Variants in RELN observed in about 807,000 individuals in gnomAD.
RELN encodes the protein reelin.
RELN carries 108 observed loss-of-function variants against 427.6 expected under a neutral mutation model. The ratio of observed to expected loss-of-function variants is 0.25; its 90% CI spans 0.22 to 0.30. The LOEUF (loss-of-function observed/expected upper bound fraction) is 0.30, where lower values mean the gene tolerates loss of function less well. Among genes scored for constraint, RELN ranks in the 10% least tolerant of loss-of-function variants. RELN has a pLI of 1.00. For missense variants in RELN, 3,715 were observed against 4,302.8 expected (o/e 0.86, Z 3.82); for synonymous variants, 1,524 against 1,513.4 (o/e 1.01, Z -0.16).
intron 5 of RELN, among the ~76,000 whole-genome samples, chr7:103,750,037 C>T (rs7783928): frequency 0.033 from 5,002 of 152,182 alleles, 277 homozygotes; most frequent in African/African-American, 0.11. Flanking sequence ...TGCAGTGCAG[C>T]GGCATGATCT....
At chr7:103,674,985 G>A (rs554306440) in intron 11 of RELN, among the ~76,000 whole-genome samples, 1 of 152,326 alleles carries the variant, frequency 6.6e-6, no homozygotes, top group East Asian at 1.9e-4. Context: ...ACAAGACAGA[G>A]ATGCCCTCTC....
intron 1 of RELN, among the ~76,000 whole-genome samples, chr7:103,937,539 G>A (rs1485317343): frequency 6.6e-6 from 1 of 152,174 alleles, no homozygotes; most frequent in Non-Finnish European, 1.5e-5. Context: ...TCTTCTAACT[G>A]TAAAAACCAT....
intron 3 of RELN, among the ~76,000 whole-genome samples, chr7:103,832,965 T>G (rs1793311002): frequency 6.6e-6 from 1 of 152,186 alleles, no homozygotes; most frequent in South Asian, 2.1e-4. Flanking sequence ...TCTGATTTAT[T>G]CAATTATTTT....
At chr7:103,592,604 A>G (rs1831444824) in intron 27 of RELN, among the ~76,000 whole-genome samples, 1 of 152,206 alleles carries the variant, frequency 6.6e-6, no homozygotes, top group Non-Finnish European at 1.5e-5. Flanking sequence ...AGCAGTGTGC[A>G]TTCCTGATCA....
chr7:103,900,141 C>T (rs897179675), intron 2 of RELN, among the ~76,000 whole-genome samples: 7 of 151,974 alleles, frequency 4.6e-5, no homozygotes, highest in Admixed American at 3.3e-4. Flanking sequence ...ACAAGCATTT[C>T]TATAAACCAA....
At chr7:103,937,955 C>G (rs972048804) in intron 1 of RELN, among the ~76,000 whole-genome samples, 2 of 152,194 alleles carry the variant, frequency 1.3e-5, no homozygotes, top group Admixed American at 6.5e-5. Context: ...CCCCACTAAC[C>G]TTCATTTTTG....
intron 57 of RELN, among the ~76,000 whole-genome samples, chr7:103,492,740 T>C (rs2117009356): frequency 6.6e-6 from 1 of 152,340 alleles, no homozygotes; most frequent in Admixed American, 6.5e-5. Flanking sequence ...AATGCTGTGG[T>C]GCTTCAAAGG....
chr7:103,480,060 A>G (rs1184329635), intron 63 of RELN, among the ~76,000 whole-genome samples: 1 of 152,162 alleles, frequency 6.6e-6, no homozygotes, highest in African/African-American at 2.4e-5. Context: ...TGTAACATAC[A>G]GTTACGTAGG....
At chr7:103,582,778 G>A (rs762785035) in intron 28 of RELN, among the ~76,000 whole-genome samples, 1 of 152,186 alleles carries the variant, frequency 6.6e-6, no homozygotes, top group Non-Finnish European at 1.5e-5. Flanking sequence ...TTATGAATAA[G>A]ACACGTCTAT....
At chr7:103,885,223 C>T (rs1794698551) in intron 2 of RELN, among the ~76,000 whole-genome samples, 2 of 151,998 alleles carry the variant, frequency 1.3e-5, no homozygotes, top group Non-Finnish European at 2.9e-5. Flanking sequence ...CCTGTAGTCC[C>T]AGCTACTTGG....
chr7:103,476,909 T>C (rs1284035753), intron 64 of RELN, among the ~76,000 whole-genome samples: 3 of 152,230 alleles, frequency 2.0e-5, no homozygotes, highest in African/African-American at 4.8e-5. Flanking sequence ...ATTTATTCAC[T>C]GCAATTACCA....
intron 3 of RELN, among the ~76,000 whole-genome samples, chr7:103,781,810 C>A (rs1481391848): frequency 6.6e-6 from 1 of 151,524 alleles, no homozygotes; most frequent in Non-Finnish European, 1.5e-5. Flanking sequence ...TGGTGACAAG[C>A]CTGATTCATT....
intron 6 of RELN, among the ~76,000 whole-genome samples, chr7:103,735,699 G>A (rs1011088876): frequency 2.0e-5 from 3 of 152,170 alleles, no homozygotes; most frequent in Non-Finnish European, 4.4e-5. Context: ...GCTGAAGCAA[G>A]TTAATCACCT....
At chr7:103,495,978 G>A (rs1828829136) in intron 56 of RELN, 80 bp from the exon 57 acceptor site, 1 of 1,422,068 alleles carries the variant, frequency 7.0e-7, no homozygotes, top group Non-Finnish European at 9.9e-7. Flanking sequence ...TTATTCTCTT[G>A]AACTGACCGA....
intron 8 of RELN, among the ~76,000 whole-genome samples, chr7:103,718,519 TTAAAG>T (rs1207179965): frequency 6.6e-6 from 1 of 152,170 alleles, no homozygotes. Flanking sequence ...CTTGTTTCAC[TTAAAG>T]TATAGTTTAC....
At position 103,538,677 on chromosome 7, in the gene RELN, G is replaced by A. The variant is rs145182920; in HGVS notation, c.7180+401C>T. Among the ~76,000 whole-genome samples the A allele has an allele frequency of 4.1e-3, 631 of 152,252 alleles. 7 individuals carry two copies. Among genetic ancestry groups the A allele is most frequent in the African/African-American group, 0.014 (588 of 41,552 alleles). ...GTGAATATATATATTAATAAGCCCT[G>A]TATATATGAATAAATCATATTGCTT... On this transcript the variant is annotated intron_variant, in intron 45 of 64. Coordinates refer to ENST00000428762, the MANE Select transcript of RELN (RefSeq NM_005045.4).
intron 3 of RELN, among the ~76,000 whole-genome samples, chr7:103,782,272 T>C (rs1000030000): frequency 6.6e-6 from 1 of 152,212 alleles, no homozygotes; most frequent in Non-Finnish European, 1.5e-5. Flanking sequence ...AGTAGCTGTA[T>C]GCCCAAAGCA....
intron 4 of RELN, among the ~76,000 whole-genome samples, chr7:103,773,154 TTC>T (rs1403942578): frequency 1.6e-4 from 22 of 140,376 alleles, no homozygotes; most frequent in African/African-American, 4.3e-4. Context: ...CTTTCTTTCT[TTC>T]TTTCTTTCTT....
intron 2 of RELN, among the ~76,000 whole-genome samples, chr7:103,903,952 G>A (rs552643769): frequency 5.6e-4 from 85 of 152,002 alleles, no homozygotes; most frequent in African/African-American, 2.1e-3. Flanking sequence ...CCGTCATCTA[G>A]GTTTTAAGCT....
Sources: gnomAD v4.1 joint callset for allele counts (sites outside exome capture counted in the v4.1 genomes callset) on GRCh38, gnomAD v4.1.1 for gene constraint, MANE v1.5 for transcripts, NCBI Gene and HGNC (gene_info 2026-07-23, HGNC 2026-07-21) for gene names.